Variants in SGCD observed in about 807,000 individuals in gnomAD.
The protein encoded by SGCD is sarcoglycan delta.
SGCD carries 18 observed loss-of-function variants against 36.6 expected under a neutral mutation model. The ratio of observed to expected loss-of-function variants is 0.49; its 90% confidence interval spans 0.34 to 0.73. The LOEUF (loss-of-function observed/expected upper bound fraction) is 0.73, where lower values mean the gene tolerates loss of function less well. Among genes scored for constraint, SGCD ranks in the 30% least tolerant of loss-of-function variants. The pLI is 0.01. For missense variants in SGCD, 387 were observed against 346.7 expected, an observed-to-expected ratio of 1.12 and a Z score of -0.92; for synonymous variants, 133 against 130.6, an observed-to-expected ratio of 1.02 and a Z score of -0.12.
At chr5:155,836,834 C>T in the SGCD span, among the ~76,000 whole-genome samples, 1 of 152,106 alleles carries the variant, frequency 6.6e-6, no homozygotes, top group Non-Finnish European at 1.5e-5. Context: ...ACAGAAGTAT[C>T]CAGAATTGGA....
intron 3 of SGCD, among the ~76,000 whole-genome samples, chr5:156,289,359 A>G (rs964346726): frequency 2.6e-5 from 4 of 152,016 alleles, no homozygotes; most frequent in African/African-American, 9.6e-5. Context: ...GGTTTGTTAC[A>G]TAGGTAAATA....
intron 7 of SGCD, among the ~76,000 whole-genome samples, chr5:156,704,577 C>A (rs1386833860): frequency 2.0e-5 from 3 of 151,936 alleles, no homozygotes; most frequent in African/African-American, 7.3e-5. Flanking sequence ...TGCCTATTTG[C>A]CTAAAGATAC....
At chr5:156,708,990 C>T (rs955338810) in intron 7 of SGCD, among the ~76,000 whole-genome samples, 3 of 151,910 alleles carry the variant, frequency 2.0e-5, no homozygotes, top group Non-Finnish European at 2.9e-5. Flanking sequence ...CCTCTCCTCT[C>T]GGTACCATCT....
At chr5:156,250,218 A>C (rs1055199702) in intron 3 of SGCD, among the ~76,000 whole-genome samples, 5 of 152,212 alleles carry the variant, frequency 3.3e-5, no homozygotes, top group African/African-American at 1.2e-4. Context: ...GAAACATTGA[A>C]AACTACCTCT....
intron 7 of SGCD, among the ~76,000 whole-genome samples, chr5:156,675,867 G>T (rs1441955772): frequency 2.0e-5 from 3 of 152,082 alleles, no homozygotes; most frequent in African/African-American, 7.2e-5. Flanking sequence ...TTTACTTCCT[G>T]ACTCCTTCAG....
chr5:156,087,532 C>T (rs1192767646), intron 1 of SGCD, among the ~76,000 whole-genome samples: 1 of 150,334 alleles, frequency 6.7e-6, no homozygotes, highest in African/African-American at 2.5e-5. Flanking sequence ...TCCAGCTACT[C>T]AGGAGGCTGT....
At chr5:155,912,977 G>A (rs866557888) in intron 1 of SGCD, among the ~76,000 whole-genome samples, 18 of 152,164 alleles carry the variant, frequency 1.2e-4, no homozygotes, top group East Asian at 7.7e-4. Context: ...AGGTGTCCAC[G>A]TCTGAATCTG....
intron 1 of SGCD, among the ~76,000 whole-genome samples, chr5:155,949,168 A>G (rs528736200): frequency 1.3e-5 from 2 of 152,236 alleles, no homozygotes; most frequent in Non-Finnish European, 2.9e-5. Context: ...TGGGGGGCAC[A>G]TTAGGTCAAT....
intron 3 of SGCD, among the ~76,000 whole-genome samples, chr5:156,146,671 G>A (rs1056998835): frequency 2.0e-5 from 3 of 152,178 alleles, no homozygotes; most frequent in Non-Finnish European, 4.4e-5. Context: ...ATATTTTACA[G>A]AGTGAGTGAA....
chr5:156,551,518 G>T (rs1758796109), intron 4 of SGCD, among the ~76,000 whole-genome samples: 2 of 152,064 alleles, frequency 1.3e-5, no homozygotes, highest in African/African-American at 4.8e-5. Context: ...TTTTGCGGGG[G>T]CAGGGGAGTG....
chr5:155,818,589 T>G, the SGCD span, among the ~76,000 whole-genome samples: 1 of 152,204 alleles, frequency 6.6e-6, no homozygotes, highest in Admixed American at 6.5e-5. Flanking sequence ...GACAGGATCA[T>G]GGCTCCCTGC....
At chr5:156,449,615 T>G (rs1389014565) in intron 3 of SGCD, among the ~76,000 whole-genome samples, 1 of 141,660 alleles carries the variant, frequency 7.1e-6, no homozygotes, top group Non-Finnish European at 1.5e-5. Flanking sequence ...GTGGATCACC[T>G]GAGGTCAGGA....
chr5:156,368,630 C>T (rs1354710156), intron 3 of SGCD, among the ~76,000 whole-genome samples: 2 of 151,984 alleles, frequency 1.3e-5, no homozygotes, highest in African/African-American at 4.8e-5. Flanking sequence ...TACAGCCACT[C>T]TCCATCACTT....
At chr5:156,517,384 A>T (rs374900195) in intron 4 of SGCD, among the ~76,000 whole-genome samples, 10 of 152,236 alleles carry the variant, frequency 6.6e-5, no homozygotes, top group Admixed American at 3.9e-4. Context: ...CCTGAAAGAG[A>T]CAGGGAGAAT....
chr5:156,309,553 T>C (rs1294187329), intron 3 of SGCD, among the ~76,000 whole-genome samples: 1 of 151,872 alleles, frequency 6.6e-6, no homozygotes, highest in Non-Finnish European at 1.5e-5. Context: ...ATTTTGTTCA[T>C]ACATAATTTC....
chr5:156,000,427 G>T (rs1362597578), intron 1 of SGCD, among the ~76,000 whole-genome samples: 5 of 152,160 alleles, frequency 3.3e-5, no homozygotes, highest in African/African-American at 1.2e-4. Context: ...ATCAGAGAAG[G>T]GCTGAGCAGA....
intron 3 of SGCD, among the ~76,000 whole-genome samples, chr5:156,252,864 G>T (rs1364213064): frequency 6.6e-6 from 1 of 152,100 alleles, no homozygotes; most frequent in Non-Finnish European, 1.5e-5. Flanking sequence ...TTGCTGGATG[G>T]CCTTGCAAGT....
At chr5:155,894,549 C>T (rs144292680) in intron 1 of SGCD, among the ~76,000 whole-genome samples, 3 of 152,116 alleles carry the variant, frequency 2.0e-5, no homozygotes, top group East Asian at 1.9e-4. Context: ...GACCAGTGAG[C>T]GTGAAGCTTC....
chr5:156,298,604 G>A lies in SGCD; in HGVS notation c.-43-30930G>A, dbSNP rs570284629. ...TTTTTTTTTTTTTTTTTTGGAGACA[G>A]AGTTTGCTCTTGTTGCCCAGGCTGG... On this transcript the variant is annotated intron_variant, in intron 3 of 9. Coordinates refer to the SGCD transcript ENST00000517913. Among the ~76,000 whole-genome samples the A allele has an allele frequency of 1.4e-4, 17 of 117,682 alleles. No homozygotes were observed. The East Asian group carries it at 4.1e-3, about 29-fold the overall frequency. The allele number at this position is 117,682 out of a possible 152,430, so 77.2% of individuals were successfully genotyped here.
Sources: gnomAD v4.1 joint callset for allele counts (sites outside exome capture counted in the v4.1 genomes callset) on GRCh38, gnomAD v4.1.1 for gene constraint, MANE v1.5 for transcripts, NCBI Gene and HGNC (gene_info 2026-07-23, HGNC 2026-07-21) for gene names.